Variants in MGAT4C observed in about 807,000 individuals in gnomAD.
The protein encoded by MGAT4C is alpha-1,3-mannosyl-glycoprotein 4-beta-N-acetylglucosaminyltransferase C.
In MGAT4C, 19 loss-of-function variants were observed where a neutral mutation model predicts 40.1. The observed-to-expected ratio is 0.47, with a 90% CI of 0.33 to 0.70. The LOEUF (loss-of-function observed/expected upper bound fraction) is 0.70. Among genes scored for constraint, MGAT4C ranks in the 30% least tolerant of loss-of-function variants. The pLI is 0.02. For synonymous variants in MGAT4C, 181 were observed against 187.1 expected, an observed-to-expected ratio of 0.97 and a Z score of 0.27; for missense variants, 491 against 563.2, an observed-to-expected ratio of 0.87 and a Z score of 1.30.
intron 3 of MGAT4C, among the ~76,000 whole-genome samples, chr12:86,417,383 A>G (rs1270263382): frequency 1.3e-5 from 2 of 152,142 alleles, no homozygotes; most frequent in Non-Finnish European, 2.9e-5. Flanking sequence ...AAAATAAAGT[A>G]AAAACGTAAG....
intron 1 of MGAT4C, among the ~76,000 whole-genome samples, chr12:86,781,947 GA>G: frequency 6.6e-6 from 1 of 151,150 alleles, no homozygotes; most frequent in South Asian, 2.1e-4. Context: ...ACTTAATTTT[GA>G]AAAAAACTCC....
rs1884173380 is a variant in MGAT4C, at chr12:85,978,496, G to C, written c.*793C>G. 2 of 151,722 alleles carry C rather than the reference G, an allele frequency of 1.3e-5. No homozygotes were observed. The allele number at this position is 151,722 out of a possible 1,614,324, so 9.4% of individuals were successfully genotyped here. On this transcript the variant is annotated 3_prime_UTR_variant, in exon 5 of 5. Transcript: ENST00000611864. The stretch of plus-strand genomic sequence containing the variant: ...ATATACTGAAAATGTCTGTACGAAT[G>C]AGCTAACTACTATAGGCCTTCCCTA...
rs560557502 is a variant in MGAT4C at position 86,814,153 on chromosome 12, T to C, written c.-262+24513A>G. ...TCACAAACTCCTGACCTCAGGCTGATAGATATATTTCTAAGCACTGTTATC... is the reference window on the plus strand; with the variant it reads ...TCACAAACTCCTGACCTCAGGCTGACAGATATATTTCTAAGCACTGTTATC... On this transcript the variant is annotated intron_variant, in intron 1 of 7. Coordinates refer to the MGAT4C transcript ENST00000548651. Among the ~76,000 whole-genome samples the C allele has an allele frequency of 7.9e-5, 12 of 151,868 alleles. No homozygotes were observed. In the East Asian group the frequency reaches 2.3e-3, roughly 30 times the overall value.
At chr12:86,383,974 T>G (rs1956003945) in intron 3 of MGAT4C, among the ~76,000 whole-genome samples, 1 of 152,108 alleles carries the variant, frequency 6.6e-6, no homozygotes, top group Non-Finnish European at 1.5e-5. Context: ...GGGAGGTAAT[T>G]AAATCATGGG....
intron 1 of MGAT4C, among the ~76,000 whole-genome samples, chr12:86,108,430 T>A (rs1175891923): frequency 6.6e-6 from 1 of 152,126 alleles, no homozygotes; most frequent in East Asian, 1.9e-4. Context: ...TTTTTCTTTT[T>A]CTAGAAGCTA....
chr12:86,224,701 C>T (rs1227157548), intron 1 of MGAT4C, among the ~76,000 whole-genome samples: 1 of 152,130 alleles, frequency 6.6e-6, no homozygotes. Flanking sequence ...CTTGAACAAT[C>T]ACTGGGTTAA....
intron 2 of MGAT4C, among the ~76,000 whole-genome samples, chr12:86,641,882 C>A (rs1289011694): frequency 1.3e-5 from 2 of 151,712 alleles, no homozygotes; most frequent in Non-Finnish European, 2.9e-5. Context: ...AAGAAACATG[C>A]CAATTGTTCT....
chr12:86,323,625 C>T (rs577947871), intron 4 of MGAT4C, among the ~76,000 whole-genome samples: 1 of 151,628 alleles, frequency 6.6e-6, no homozygotes, highest in African/African-American at 2.4e-5. Context: ...TTCACAGCAG[C>T]AAAACAATAT....
intron 2 of MGAT4C, among the ~76,000 whole-genome samples, chr12:86,598,593 A>G (rs1961633628): frequency 6.6e-6 from 1 of 152,138 alleles, no homozygotes; most frequent in African/African-American, 2.4e-5. Context: ...CTTCATCACA[A>G]AACCTAAACA....
chr12:85,990,002 C>T (rs117623671), intron 2 of MGAT4C, among the ~76,000 whole-genome samples: 15 of 151,986 alleles, frequency 9.9e-5, no homozygotes, highest in Admixed American at 2.6e-4. Flanking sequence ...GAGTAGGTGT[C>T]AACTGAAAAT....
chr12:86,248,121 A>G (rs936996599), intron 1 of MGAT4C, among the ~76,000 whole-genome samples: 1 of 152,080 alleles, frequency 6.6e-6, no homozygotes, highest in Non-Finnish European at 1.5e-5. Context: ...CAATACCTAC[A>G]TGTCTTATTT....
intron 3 of MGAT4C, among the ~76,000 whole-genome samples, chr12:86,366,708 CT>C (rs953752986): frequency 6.6e-6 from 1 of 152,050 alleles, no homozygotes; most frequent in African/African-American, 2.4e-5. Flanking sequence ...CACATGTAGC[CT>C]TTAATGTATA....
At chr12:86,205,784 T>G (rs766351759) in intron 1 of MGAT4C, among the ~76,000 whole-genome samples, 2 of 152,044 alleles carry the variant, frequency 1.3e-5, no homozygotes, top group Non-Finnish European at 2.9e-5. Flanking sequence ...CAGACTTCCA[T>G]AAGAATCAGG....
intron 1 of MGAT4C, among the ~76,000 whole-genome samples, chr12:86,073,179 C>A (rs1027934833): frequency 1.3e-5 from 2 of 152,208 alleles, no homozygotes; most frequent in Admixed American, 6.5e-5. Flanking sequence ...TAGGGGAAAC[C>A]CCTTTCACTT....
At chr12:86,339,747 C>A (rs187994579) in intron 3 of MGAT4C, among the ~76,000 whole-genome samples, 65 of 152,234 alleles carry the variant, frequency 4.3e-4, no homozygotes, top group African/African-American at 1.5e-3. Context: ...TGCACACACA[C>A]ACACAAAGAC....
intron 2 of MGAT4C, among the ~76,000 whole-genome samples, chr12:86,642,137 A>C (rs142149573): frequency 1.5e-3 from 231 of 151,914 alleles, no homozygotes; most frequent in Non-Finnish European, 2.5e-3. Flanking sequence ...TGATATGGAG[A>C]TAAGAAGGAA....
chr12:86,282,883 G>C (rs916018016), intron 4 of MGAT4C, among the ~76,000 whole-genome samples: 1 of 151,862 alleles, frequency 6.6e-6, no homozygotes, highest in Non-Finnish European at 1.5e-5. Flanking sequence ...TAAATGATTC[G>C]GGTGTTTAGC....
intron 2 of MGAT4C, among the ~76,000 whole-genome samples, chr12:86,638,793 T>A (rs1368830855): frequency 1.3e-5 from 2 of 151,794 alleles, no homozygotes; most frequent in African/African-American, 4.8e-5. Flanking sequence ...AACAGCTGTG[T>A]ACTATGAAAC....
chr12:86,116,336 G>A (rs1878416435), intron 1 of MGAT4C, among the ~76,000 whole-genome samples: 1 of 152,010 alleles, frequency 6.6e-6, no homozygotes, highest in Non-Finnish European at 1.5e-5. Flanking sequence ...AGAAGTTGCT[G>A]CAGTAAGTAA....
Sources: gnomAD v4.1 joint callset for allele counts (sites outside exome capture counted in the v4.1 genomes callset) on GRCh38, gnomAD v4.1.1 for gene constraint, MANE v1.5 for transcripts, NCBI Gene and HGNC (gene_info 2026-07-23, HGNC 2026-07-21) for gene names.